The following CREB1 variants were observed in gnomAD, a reference collection of about 807,000 sequenced individuals.
CREB1 encodes cyclic AMP-responsive element-binding protein 1.
A neutral mutation model predicts 42.0 loss-of-function variants in CREB1; 2 were observed. The observed-to-expected ratio is 0.05, with a 90% confidence interval of 0.02 to 0.15. The LOEUF is 0.15. Ranked by LOEUF, CREB1 falls within the 10% of genes least tolerant of loss-of-function variation. CREB1 has a pLI of 1.00. For missense variants in CREB1, 199 were observed against 388.9 expected (o/e 0.51, Z 4.11); for synonymous variants, 123 against 139.9 (o/e 0.88, Z 0.85).
chr2:207,590,094 T>TTTTG (rs2084711099), intron 7 of CREB1, among the ~76,000 whole-genome samples: 1 of 141,552 alleles, frequency 7.1e-6, no homozygotes, highest in African/African-American at 2.5e-5. Context: ...TTTTTTTTTT[T>TTTTG]TTTTTTTTTT....
intron 6 of CREB1, chr2:207,577,263 A>G: frequency 9.3e-7 from 1 of 1,072,628 alleles, no homozygotes; most frequent in Non-Finnish European, 1.2e-6. Context: ...AACTGCATTC[A>G]AATGAAAAAT....
chr2:207,567,440 A>T (rs1343097997), intron 3 of CREB1, 23 bp from the exon 4 acceptor site: 8 of 1,536,196 alleles, frequency 5.2e-6, no homozygotes, highest in Non-Finnish European at 6.3e-6. Context: ...GATTATCAAT[A>T]TGAAGTTTTT....
At chr2:207,555,828 C>T in intron 2 of CREB1, 79 bp downstream of exon 2, 1 of 789,016 alleles carries the variant, frequency 1.3e-6, no homozygotes. Flanking sequence ...GTTGTTATTA[C>T]ATAGATATAC....
chr2:207,565,963 T>G (rs553315266), intron 3 of CREB1, among the ~76,000 whole-genome samples: 13 of 152,324 alleles, frequency 8.5e-5, no homozygotes, highest in East Asian at 1.9e-4. Flanking sequence ...TCTGTGTGCT[T>G]CTTTGGCAGT....
chr2:207,576,241 C>CTTTTTTTTTTTTTTTTTTTGTT (rs35735523), intron 6 of CREB1, among the ~76,000 whole-genome samples: 120 of 101,022 alleles, frequency 1.2e-3, no homozygotes, highest in African/African-American at 1.9e-3. Context: ...CTTTTTTTGG[C>CTTTTTTTTTTTTTTTTTTTGTT]TTTTTTTTTT....
chr2:207,558,647 T>A (rs1319110045), intron 2 of CREB1, among the ~76,000 whole-genome samples: 1 of 151,620 alleles, frequency 6.6e-6, no homozygotes, highest in African/African-American at 2.4e-5. Context: ...AAAGTGATTT[T>A]TTTTTTTTTT....
rs558591229 is a variant in CREB1 at position 207,581,645 on chromosome 2, A to G, written c.839+3990A>G. The G allele has an allele frequency of 2.8e-3, 1,197 of 422,888 alleles. 4 individuals carry two copies. The highest frequency in any genetic ancestry group is 4.2e-3 in the Non-Finnish European group (1,000 of 240,156). 26.2% of individuals were successfully genotyped at this position (422,888 alleles called of 1,614,324 possible). A position where few individuals can be genotyped will look rare whatever the true frequency, so the allele number is the denominator to read the frequency against. The stretch of plus-strand genomic sequence containing the variant: ...AATTTTAAACTTACAAAGGAGTTTT[A>G]AAAATACAGAGTTCCGGATACCCTT... On this transcript the variant is annotated intron_variant, in intron 7 of 7. Coordinates refer to ENST00000353267, the MANE Select transcript of CREB1 (RefSeq NM_004379.5).
chr2:207,585,926 T>C (rs367669575), intron 7 of CREB1, among the ~76,000 whole-genome samples: 33 of 152,096 alleles, frequency 2.2e-4, no homozygotes, highest in African/African-American at 7.7e-4. Context: ...GGAGAAAATA[T>C]AGGAAAAGGC....
intron 1 of CREB1, among the ~76,000 whole-genome samples, chr2:207,543,169 G>A (rs2551640): frequency 0.56 from 84,995 of 151,984 alleles, 25,218 homozygotes; most frequent in Middle Eastern, 0.7. Context: ...TATGGGTTCA[G>A]CATAGGAGTC....
At chr2:207,577,091 G>A (rs1007490417) in intron 6 of CREB1, 7 of 968,396 alleles carry the variant, frequency 7.2e-6, no homozygotes, top group South Asian at 9.3e-5. Flanking sequence ...AATCATGGTC[G>A]TTTTTATGTC....
At chr2:207,571,623 C>T (rs1026743295) in intron 5 of CREB1, 1 of 319,688 alleles carries the variant, frequency 3.1e-6, no homozygotes, top group African/African-American at 2.2e-5. Flanking sequence ...ACCTACAATT[C>T]TGTACGTGTA....
intron 1 of CREB1, among the ~76,000 whole-genome samples, chr2:207,532,092 A>C (rs2106321624): frequency 6.6e-6 from 1 of 152,234 alleles, no homozygotes; most frequent in South Asian, 2.1e-4. Context: ...GCGGTGGCTG[A>C]GGCCTGTAAT....
intron 7 of CREB1, among the ~76,000 whole-genome samples, chr2:207,578,905 C>G (rs770730488): frequency 5.3e-5 from 8 of 152,078 alleles, no homozygotes; most frequent in Non-Finnish European, 1.0e-4. Context: ...ATTCTCCTGC[C>G]TCAACCTCCC....
chr2:207,557,972 A>G (rs1221038272), intron 2 of CREB1, among the ~76,000 whole-genome samples: 3 of 152,172 alleles, frequency 2.0e-5, no homozygotes, highest in Non-Finnish European at 4.4e-5. Flanking sequence ...TACTCTGAAT[A>G]AGGTTATGGT....
chr2:207,592,849 G>GTTGCAGTGAGTCCAGA (rs2085327428), intron 7 of CREB1, among the ~76,000 whole-genome samples: 1 of 148,896 alleles, frequency 6.7e-6, no homozygotes, highest in Non-Finnish European at 1.5e-5. Context: ...GGAGGTGGAG[G>GTTGCAGTGAGTCCAGA]TTGCAGTGAG....
intron 2 of CREB1, among the ~76,000 whole-genome samples, chr2:207,559,588 C>T (rs1457734197): frequency 6.6e-6 from 1 of 152,090 alleles, no homozygotes; most frequent in Non-Finnish European, 1.5e-5. Context: ...AGCATAGGAG[C>T]AATAAATAAC....
At chr2:207,582,099 G>A (rs1258150242) in intron 7 of CREB1, 1 of 702,762 alleles carries the variant, frequency 1.4e-6, no homozygotes, top group South Asian at 1.5e-5. Context: ...CTCCACTGTT[G>A]AGCTACCATT....
chr2:207,571,984 G>A (rs1435406720), intron 5 of CREB1, among the ~76,000 whole-genome samples: 4 of 152,170 alleles, frequency 2.6e-5, no homozygotes, highest in East Asian at 1.9e-4. Context: ...ATCCCAGCAC[G>A]CTGGGAGGCC....
chr2:207,577,444 A>C (rs1031285018), intron 6 of CREB1, 61 bp from the exon 7 acceptor site: 2 of 1,571,394 alleles, frequency 1.3e-6, no homozygotes, highest in Non-Finnish European at 1.7e-6. Flanking sequence ...GATGATTGAT[A>C]CACATAATTG....
Sources: allele counts gnomAD v4.1 joint callset (sites outside exome capture counted in the v4.1 genomes callset), GRCh38; gene constraint gnomAD v4.1.1; transcripts MANE v1.5; gene names NCBI Gene and HGNC (gene_info 2026-07-23, HGNC 2026-07-21).